The following RPS6KA2 variants were observed in gnomAD, a reference collection of about 807,000 sequenced individuals.
The protein encoded by RPS6KA2 is ribosomal protein S6 kinase A2.
Under a neutral mutation model 91.8 loss-of-function variants are expected in RPS6KA2, and 42 were observed. The ratio of observed to expected loss-of-function variants is 0.46; its 90% CI spans 0.36 to 0.59. The LOEUF (loss-of-function observed/expected upper bound fraction) is 0.59. Ranked by LOEUF, RPS6KA2 falls within the 20% of genes least tolerant of loss-of-function variation. The pLI is 0.00. For synonymous variants in RPS6KA2, 414 were observed against 393.6 expected (o/e 1.05, Z -0.61); for missense variants, 798 against 978.5 (o/e 0.82, Z 2.46).
chr6:166,775,274 C>T (rs1180402826), intron 2 of RPS6KA2, among the ~76,000 whole-genome samples: 1 of 140,764 alleles, frequency 7.1e-6, no homozygotes, highest in African/African-American at 2.6e-5. Context: ...CCGGCCCCTT[C>T]GCACTATGCA....
intron 2 of RPS6KA2, among the ~76,000 whole-genome samples, chr6:166,721,678 G>C (rs771333485): frequency 6.6e-6 from 1 of 152,192 alleles, no homozygotes; most frequent in Non-Finnish European, 1.5e-5. Flanking sequence ...TCTCGGGGAC[G>C]GGAAAGATGC....
At chr6:166,646,335 G>T (rs537094296) in intron 2 of RPS6KA2, among the ~76,000 whole-genome samples, 1 of 152,172 alleles carries the variant, frequency 6.6e-6, no homozygotes, top group Admixed American at 6.5e-5. Flanking sequence ...GGACCCACAC[G>T]CCCACACGGC....
At chr6:166,474,864 G>A (rs1252751805) in intron 10 of RPS6KA2, among the ~76,000 whole-genome samples, 1 of 152,090 alleles carries the variant, frequency 6.6e-6, no homozygotes, top group Non-Finnish European at 1.5e-5. Flanking sequence ...CGGGAGCAGC[G>A]CCAAGCACAG....
At chr6:166,421,155 C>T (rs1365481150) in intron 17 of RPS6KA2, among the ~76,000 whole-genome samples, 1 of 152,188 alleles carries the variant, frequency 6.6e-6, no homozygotes, top group Non-Finnish European at 1.5e-5. Flanking sequence ...ACACATGGAG[C>T]TTGTGCTTTC....
intron 1 of RPS6KA2, among the ~76,000 whole-genome samples, chr6:166,560,297 G>A (rs560366457): frequency 1.3e-5 from 2 of 152,252 alleles, no homozygotes; most frequent in South Asian, 2.1e-4. Context: ...ATGAAATACT[G>A]GTTTTTATTT....
intron 2 of RPS6KA2, among the ~76,000 whole-genome samples, chr6:166,686,806 C>T (rs528420784): frequency 7.2e-5 from 11 of 152,330 alleles, no homozygotes; most frequent in Admixed American, 3.3e-4. Context: ...CACAGCAGCA[C>T]CCATGGTAGG....
At chr6:166,657,732 G>A (rs1011297200) in intron 2 of RPS6KA2, among the ~76,000 whole-genome samples, 4 of 152,216 alleles carry the variant, frequency 2.6e-5, no homozygotes, top group South Asian at 2.1e-4. Flanking sequence ...GTGCCAATTT[G>A]CCTCAGAGGT....
rs573497149 is a variant in RPS6KA2 at position 166,500,794 on chromosome 6, G to C, written c.604+93C>G. ...ACAAGCATCTGGCAAAGGGAAGGGC[G>C]GTGTAAATAAGAGGGCTTGGGCTTT... On this transcript the variant is annotated intron_variant, in intron 7 of 20. Coordinates refer to ENST00000265678, the MANE Select transcript of RPS6KA2 (RefSeq NM_021135.6). The surrounding 1 kb of genome is among the most constrained non-coding windows in gnomAD (Gnocchi z 4.3). 8 of 1,129,254 alleles carry C rather than the reference G, an allele frequency of 7.1e-6. No homozygotes were observed. The African/African-American group carries it at 9.2e-5, about 13-fold the overall frequency. 70.0% of individuals were successfully genotyped at this position (1,129,254 alleles called of 1,614,324 possible).
chr6:166,570,064 C>T (rs886310928), intron 1 of RPS6KA2, among the ~76,000 whole-genome samples: 8 of 152,200 alleles, frequency 5.3e-5, no homozygotes, highest in African/African-American at 1.9e-4. Flanking sequence ...CAGCAAGTCA[C>T]ACATATAAAT....
At chr6:166,778,180 C>T (rs137886879) in intron 2 of RPS6KA2, among the ~76,000 whole-genome samples, 189 of 152,294 alleles carry the variant, frequency 1.2e-3, no homozygotes, top group Middle Eastern at 3.4e-3. Flanking sequence ...TCAGAGGGTG[C>T]CACGGGCGCA....
At chr6:166,537,301 CCT>C (rs1783512413) in intron 2 of RPS6KA2, among the ~76,000 whole-genome samples, 1 of 152,250 alleles carries the variant, frequency 6.6e-6, no homozygotes, top group East Asian at 1.9e-4. Context: ...AAATTATTCT[CCT>C]CTCTCTTTTT....
intron 16 of RPS6KA2, 81 bp downstream of exon 16, chr6:166,430,372 T>C (rs1779079730): frequency 7.7e-7 from 1 of 1,290,734 alleles, no homozygotes; most frequent in African/African-American, 1.5e-5. Context: ...TCTCAGCTCT[T>C]GAACCCATAA....
In RPS6KA2 at chr6:166,418,104, A is replaced by T. The variant is rs1001372138; in HGVS notation, c.1938+121T>A. ...GACTCCATTTCAAGAAAAAAAAAAA[A>T]ATATGCTGAGGATAAAATACCTATA... On this transcript the variant is annotated intron_variant, in intron 19 of 20. Transcript: ENST00000265678. The surrounding 1 kb of genome is among the most constrained non-coding windows in gnomAD (Gnocchi z 4.9). The T allele has an allele frequency of 1.1e-5, 8 of 717,096 alleles. No individual in the cohort carries two copies. The highest frequency in any genetic ancestry group is 7.2e-5 in the African/African-American group (4 of 55,616). 44.4% of individuals were successfully genotyped at this position (717,096 alleles called of 1,614,324 possible). A position where few individuals can be genotyped will look rare whatever the true frequency, so the allele number is the denominator to read the frequency against.
chr6:166,727,324 ACACAC>A (rs1790369529), intron 2 of RPS6KA2, among the ~76,000 whole-genome samples: 1 of 146,786 alleles, frequency 6.8e-6, no homozygotes, highest in African/African-American at 2.7e-5. Context: ...AAACAAACAC[ACACAC>A]ACACACACAC....
chr6:166,679,684 G>T (rs146638694), intron 2 of RPS6KA2, among the ~76,000 whole-genome samples: 6,636 of 152,314 alleles, frequency 0.044, 202 homozygotes, highest in Non-Finnish European at 0.067. Flanking sequence ...TCAGCCCGCT[G>T]CTGTGCTGTG....
At chr6:166,730,344 TATAA>T (rs1790473901) in intron 2 of RPS6KA2, among the ~76,000 whole-genome samples, 1 of 151,816 alleles carries the variant, frequency 6.6e-6, no homozygotes, top group Non-Finnish European at 1.5e-5. Context: ...ATGTTATTGA[TATAA>T]ATATTCTAAA....
chr6:166,619,990 A>G (rs1786567118), intron 1 of RPS6KA2, among the ~76,000 whole-genome samples: 2 of 152,214 alleles, frequency 1.3e-5, no homozygotes. Context: ...CAGTTTAATG[A>G]GTAAAAGCTG....
chr6:166,533,910 C>T lies in RPS6KA2; in HGVS notation c.217-2597G>A, dbSNP rs997194444. On this transcript the variant is annotated intron_variant, in intron 2 of 20. Coordinates refer to ENST00000265678, the MANE Select transcript of RPS6KA2 (RefSeq NM_021135.6). This position sits in a 1 kb window ranked among gnomAD's most constrained non-coding sequence, Gnocchi z 4.0. ...CAGCCTGGGCAGCATAGCAAAACCC[C>T]AGGTCTAGTAAAAATAAAAATAAAA... 6.6e-6 allele frequency among the ~76,000 whole-genome samples: 1 copy of T among 152,076 alleles called. No individual in the cohort carries two copies. Among genetic ancestry groups the T allele is most frequent in the African/African-American group, 2.4e-5 (1 of 41,394 alleles).
At chr6:166,611,322 T>C (rs1786164595) in intron 1 of RPS6KA2, among the ~76,000 whole-genome samples, 1 of 152,212 alleles carries the variant, frequency 6.6e-6, no homozygotes, top group South Asian at 2.1e-4. Context: ...CACAAATACA[T>C]TACCAGATTC....
Sources: gnomAD v4.1 joint callset for allele counts (sites outside exome capture counted in the v4.1 genomes callset) on GRCh38, gnomAD v4.1.1 for gene constraint, Gnocchi (gnomAD v3.1) non-coding constraint, MANE v1.5 for transcripts, NCBI Gene and HGNC (gene_info 2026-07-23, HGNC 2026-07-21) for gene names.